Variants in ANKHD1 observed in about 807,000 individuals in gnomAD.
ANKHD1 encodes ankyrin repeat and KH domain containing 1.
A neutral mutation model predicts 230.5 loss-of-function variants in ANKHD1; 31 were observed. That is an observed-to-expected ratio of 0.13 (90% CI 0.10 to 0.18). The LOEUF (loss-of-function observed/expected upper bound fraction) is 0.18. Among genes scored for constraint, ANKHD1 ranks in the 10% least tolerant of loss-of-function variants. The pLI is 1.00. For missense variants in ANKHD1, 2,256 were observed against 3,071.3 expected (o/e 0.73, Z 6.27); for synonymous variants, 1,074 against 1,117.6 (o/e 0.96, Z 0.78).
chr5:140,444,396 A>C (rs1774111351), intron 5 of ANKHD1, among the ~76,000 whole-genome samples: 2 of 152,308 alleles, frequency 1.3e-5, no homozygotes, highest in African/African-American at 2.4e-5. Context: ...TACTGCCTGC[A>C]TGTCAGAATC....
At position 140,485,478 on chromosome 5, in the gene ANKHD1, T is replaced by C. The variant is rs1396976710; in HGVS notation, c.1999-111T>C. 15 of 1,407,992 alleles carry C rather than the reference T, an allele frequency of 1.1e-5. No individual in the cohort carries two copies. Among genetic ancestry groups the C allele is most frequent in the Non-Finnish European group, 9.5e-6 (10 of 1,057,780 alleles). 87.2% of individuals were successfully genotyped at this position (1,407,992 alleles called of 1,614,324 possible). A position where few individuals can be genotyped will look rare whatever the true frequency, so the allele number is the denominator to read the frequency against. On this transcript the variant is annotated intron_variant, in intron 12 of 33. Coordinates refer to ENST00000360839, the MANE Select transcript of ANKHD1 (RefSeq NM_017747.3). The surrounding 1 kb of genome is among the most constrained non-coding windows in gnomAD (Gnocchi z 4.8). ...TAATATGTGTATAGTTATAAAAATA[T>C]GTTTGATCTATCTTAGTGCTTAGTA... is the stretch of plus-strand genomic sequence containing the variant.
chr5:140,433,063 CAA>C (rs1231886409), intron 1 of ANKHD1, among the ~76,000 whole-genome samples: 1,958 of 147,874 alleles, frequency 0.013, 51 homozygotes, highest in African/African-American at 0.046. Flanking sequence ...TTCCCCCCCC[CAA>C]AAAAAAAACG....
chr5:140,478,363 CT>C (rs912642983), intron 10 of ANKHD1, among the ~76,000 whole-genome samples: 416 of 127,652 alleles, frequency 3.3e-3, no homozygotes, highest in Middle Eastern at 4.1e-3. Flanking sequence ...CTTTCTTTTT[CT>C]TTTTTTTTTT....
chr5:140,496,785 A>G lies in ANKHD1; in HGVS notation c.2511A>G (p.Glu837=). The change falls in exon 15 of 34, where the codon GAA becomes GAG. Residue 837 remains glutamate (E), a synonymous_variant. Transcript: ENST00000360839. The stretch of plus-strand genomic sequence containing the variant: ...AGAAGAAGAAGAAAATATTGAAAGA[A>G]CTGCAGAAAGTGGAAAGGCAGTTGC... ...QVQKKKKILK[E]LQKVERQLQM... 6.2e-7 allele frequency: 1 copy of G among 1,614,080 alleles called. No homozygotes were observed. Among genetic ancestry groups the G allele is most frequent in the South Asian group, 1.1e-5 (1 of 91,082 alleles).
intron 7 of ANKHD1, among the ~76,000 whole-genome samples, chr5:140,455,998 A>T (rs537434511): frequency 3.9e-4 from 60 of 152,308 alleles, no homozygotes; most frequent in Admixed American, 7.2e-4. Context: ...CTTAAACTGA[A>T]AAGCAACTTC....
In ANKHD1 at chr5:140,458,665, G is replaced by C. The variant is rs1252805193; in HGVS notation, c.1283G>C (p.Gly428Ala). The change falls in exon 8 of 34, where the codon GGT (glycine) becomes GCT (alanine). Residue 428 changes from glycine (G) to alanine (A), a missense_variant. Gly to Ala is a moderately conservative substitution (Grantham distance 60, BLOSUM62 0). Around this residue, in one of 13 missense-constraint regions of ANKHD1, gnomAD observed 179 missense variants for 261.8 expected, o/e 0.68. Coordinates refer to ENST00000360839, the MANE Select transcript of ANKHD1 (RefSeq NM_017747.3). ...VEVARLLLDS[G>A]AQVNMPADSF... is the part of the protein sequence containing the mutation. Reference sequence around the variant, plus strand: ...GTGGCACGTTTGCTTTTGGATAGTGGTGCTCAAGTGAACATGCCTGCAGAT... The same window carrying C: ...GTGGCACGTTTGCTTTTGGATAGTGCTGCTCAAGTGAACATGCCTGCAGAT... 1.9e-6 allele frequency: 3 copies of C among 1,610,460 alleles called. No individual in the cohort carries two copies. The highest frequency in any genetic ancestry group is 2.5e-6 in the Non-Finnish European group (3 of 1,177,952).
At chr5:140,483,252 G>T (rs1292628626) in intron 11 of ANKHD1, among the ~76,000 whole-genome samples, 1 of 152,050 alleles carries the variant, frequency 6.6e-6, no homozygotes, top group Non-Finnish European at 1.5e-5. Context: ...GGTAATGTCA[G>T]CAGTTTCATT....
chr5:140,515,885 G>A (rs181470932), intron 24 of ANKHD1, among the ~76,000 whole-genome samples: 1 of 152,328 alleles, frequency 6.6e-6, no homozygotes, highest in East Asian at 1.9e-4. Context: ...AAAAAGCAGA[G>A]CGCCTCTCCT....
At position 140,402,138 on chromosome 5, in the gene ANKHD1, C is replaced by T; in HGVS notation, c.171C>T (p.Gly57=). The stretch of plus-strand genomic sequence containing the variant: ...AGGCCGGGCCAGCGTCGGGAGTCGG[C>T]AGCAGCGGCGGCGGCGGCAGCGGCA... The part of the protein sequence containing the change: ...FGEAGPASGV[G]SSGGGGSGSG... The change falls in exon 1 of 34, where the codon GGC becomes GGT. Residue 57 remains glycine, a synonymous_variant. Transcript: ENST00000360839. 4 of 1,545,412 alleles carry T rather than the reference C, an allele frequency of 2.6e-6. No homozygotes were observed. The highest frequency in any genetic ancestry group is 3.5e-6 in the Non-Finnish European group (4 of 1,150,246).
intron 15 of ANKHD1, among the ~76,000 whole-genome samples, chr5:140,504,355 T>C (rs1028109712): frequency 5.3e-5 from 8 of 152,206 alleles, no homozygotes; most frequent in African/African-American, 1.7e-4. Context: ...CCCAGCCCCC[T>C]TTTTTTGAAT....
At chr5:140,477,354 A>G (rs917809072) in intron 10 of ANKHD1, among the ~76,000 whole-genome samples, 7 of 152,230 alleles carry the variant, frequency 4.6e-5, no homozygotes, top group Non-Finnish European at 8.8e-5. Flanking sequence ...TGAATCAAAC[A>G]TAAAATGATT....
intron 24 of ANKHD1, among the ~76,000 whole-genome samples, chr5:140,520,486 T>G (rs968006124): frequency 1.1e-4 from 17 of 152,108 alleles, no homozygotes; most frequent in Admixed American, 1.0e-3. Context: ...ACACGTATGT[T>G]TATTGCGGCA....
intron 10 of ANKHD1, 28 bp downstream of exon 10, chr5:140,464,804 T>G: frequency 7.0e-6 from 11 of 1,576,618 alleles, no homozygotes; most frequent in Non-Finnish European, 9.5e-6. Context: ...TCAAATATTT[T>G]TGCGTTAATG....
intron 8 of ANKHD1, 122 bp downstream of exon 8, chr5:140,458,984 A>ATG (rs1775474210): frequency 1.0e-4 from 2 of 20,028 alleles, no homozygotes; most frequent in Admixed American, 7.4e-4. Context: ...ATATATGCAT[A>ATG]TATATATATA....
chr5:140,406,733 A>G (rs1581196312), intron 1 of ANKHD1, among the ~76,000 whole-genome samples: 1 of 151,916 alleles, frequency 6.6e-6, no homozygotes, highest in East Asian at 1.9e-4. Flanking sequence ...TGGGGGTTTC[A>G]CCATATTGGC....
intron 14 of ANKHD1, among the ~76,000 whole-genome samples, chr5:140,490,032 C>CT (rs1215228828): frequency 1.3e-5 from 2 of 151,532 alleles, no homozygotes; most frequent in Non-Finnish European, 2.9e-5. Context: ...AAAGACTTAA[C>CT]TTTTTTTTTA....
intron 4 of ANKHD1, among the ~76,000 whole-genome samples, chr5:140,440,739 A>G (rs764133394): frequency 1.4e-4 from 21 of 152,164 alleles, no homozygotes; most frequent in Admixed American, 3.9e-4. Context: ...TTCTTTGACA[A>G]GAGCCATCAC....
At chr5:140,482,803 A>G in intron 11 of ANKHD1, 136 bp downstream of exon 11, 1 of 917,954 alleles carries the variant, frequency 1.1e-6, no homozygotes, top group Non-Finnish European at 1.6e-6. Flanking sequence ...ATTATATTTT[A>G]TTTAGTAAGC....
At chr5:140,525,640 C>T (rs1385438457) in intron 25 of ANKHD1, among the ~76,000 whole-genome samples, 4 of 152,042 alleles carry the variant, frequency 2.6e-5, no homozygotes, top group South Asian at 2.1e-4. Flanking sequence ...GAGGCCGAGG[C>T]GGGTGGATCT....
Sources: gnomAD v4.1 joint callset for allele counts (sites outside exome capture counted in the v4.1 genomes callset) on GRCh38, gnomAD v4.1.1 for gene constraint, gnomAD v4.1.1 regional missense constraint, Gnocchi (gnomAD v3.1) non-coding constraint, MANE v1.5 for transcripts, NCBI Gene and HGNC (gene_info 2026-07-23, HGNC 2026-07-21) for gene names.